Variants in DPY19L1 observed in about 807,000 individuals in gnomAD.
DPY19L1 encodes the protein protein C-mannosyl-transferase DPY19L1.
Under a neutral mutation model 96.9 loss-of-function variants are expected in DPY19L1, and 35 were observed. That is an observed-to-expected ratio of 0.36 (90% CI 0.28 to 0.48). The LOEUF (loss-of-function observed/expected upper bound fraction) is 0.48, where lower values mean the gene tolerates loss of function less well. Among genes scored for constraint, DPY19L1 ranks in the 20% least tolerant of loss-of-function variants. The pLI is 0.99. For missense variants in DPY19L1, 521 were observed against 777.9 expected, an observed-to-expected ratio of 0.67 and a Z score of 3.93; for synonymous variants, 205 against 252.6, an observed-to-expected ratio of 0.81 and a Z score of 1.79.
intron 1 of DPY19L1, among the ~76,000 whole-genome samples, chr7:35,032,683 ACGAAAT>A (rs1160912176): frequency 1.3e-5 from 2 of 152,134 alleles, no homozygotes; most frequent in Non-Finnish European, 2.9e-5. Context: ...CATGTCCAAG[ACGAAAT>A]TCTTGACCTT....
chr7:34,966,338 C>T (rs879730429), intron 10 of DPY19L1, among the ~76,000 whole-genome samples: 30 of 152,106 alleles, frequency 2.0e-4, no homozygotes, highest in South Asian at 4.2e-4. Flanking sequence ...TGCTATGTTG[C>T]CCAGGCTGGA....
intron 6 of DPY19L1, among the ~76,000 whole-genome samples, chr7:35,005,636 TAAAAAAAAAAAAA>T (rs755623073): frequency 4.7e-5 from 4 of 84,484 alleles, no homozygotes; most frequent in Non-Finnish European, 9.1e-5. Context: ...CTGTCTCTAC[TAAAAAAAAAAAAA>T]AAAAAAAAAA....
chr7:35,032,788 A>T (rs1177479745), intron 1 of DPY19L1, among the ~76,000 whole-genome samples: 1 of 152,070 alleles, frequency 6.6e-6, no homozygotes, highest in Non-Finnish European at 1.5e-5. Context: ...AGAAGCCAAA[A>T]ATGTACAAAG....
chr7:34,937,246 A>C (rs1783887921), intron 21 of DPY19L1, among the ~76,000 whole-genome samples: 1 of 152,250 alleles, frequency 6.6e-6, no homozygotes, highest in Non-Finnish European at 1.5e-5. Context: ...GTCACAGTAG[A>C]GTCATTTTCC....
intron 14 of DPY19L1, 85 bp downstream of exon 14, chr7:34,949,712 A>C: frequency 1.2e-6 from 1 of 823,994 alleles, no homozygotes; most frequent in Non-Finnish European, 2.0e-6. Context: ...AACAGCACAT[A>C]AAGAGTCTGA....
chr7:34,944,696 T>C (rs1387433129), intron 16 of DPY19L1, among the ~76,000 whole-genome samples: 3 of 152,202 alleles, frequency 2.0e-5, no homozygotes, highest in Non-Finnish European at 4.4e-5. Context: ...ATAGTAGATA[T>C]TTTGGATGTT....
Position 34,977,679 on chromosome 7 carries a change from C to T in DPY19L1, c.823-4074G>A, listed in dbSNP as rs1286659013. Among the ~76,000 whole-genome samples the T allele has an allele frequency of 8.5e-5, 13 of 152,142 alleles. No individual in the cohort carries two copies. The South Asian group carries it at 1.2e-3, about 15-fold the overall frequency. Reference sequence around the variant, plus strand: ...AGAGATTTGGTTTAGTCATGCCTTACGTTTCAACAAAATAAATATTTTTTC... The same window carrying T: ...AGAGATTTGGTTTAGTCATGCCTTATGTTTCAACAAAATAAATATTTTTTC... On this transcript the variant is annotated intron_variant, in intron 7 of 21. Coordinates refer to ENST00000638088, the MANE Select transcript of DPY19L1 (RefSeq NM_001366673.1).
intron 9 of DPY19L1, among the ~76,000 whole-genome samples, chr7:34,968,364 G>A (rs1191462010): frequency 1.3e-5 from 2 of 152,068 alleles, no homozygotes; most frequent in Non-Finnish European, 2.9e-5. Context: ...TCAGAAATGA[G>A]AAAACCTAAA....
intron 7 of DPY19L1, among the ~76,000 whole-genome samples, chr7:34,977,885 T>C (rs1284410711): frequency 1.3e-5 from 2 of 152,146 alleles, no homozygotes; most frequent in African/African-American, 4.8e-5. Flanking sequence ...GAAAATAAAT[T>C]CAATAAAAAT....
intron 1 of DPY19L1, among the ~76,000 whole-genome samples, chr7:35,029,892 A>T (rs1401881820): frequency 6.6e-6 from 1 of 152,240 alleles, no homozygotes; most frequent in South Asian, 2.1e-4. Flanking sequence ...ATTAACAAAG[A>T]CAAGAGAACT....
chr7:35,022,054 G>A (rs1786007176), intron 1 of DPY19L1, among the ~76,000 whole-genome samples: 1 of 151,988 alleles, frequency 6.6e-6, no homozygotes, highest in African/African-American at 2.4e-5. Context: ...AAAAACTTCT[G>A]AAGGCACCCC....
At chr7:34,932,394 C>A (rs1255864063) in intron 21 of DPY19L1, among the ~76,000 whole-genome samples, 1 of 152,148 alleles carries the variant, frequency 6.6e-6, no homozygotes, top group Non-Finnish European at 1.5e-5. Flanking sequence ...TCATCAAATA[C>A]AAATGCTATT....
intron 3 of DPY19L1, among the ~76,000 whole-genome samples, chr7:35,017,419 C>T (rs1298243603): frequency 8.2e-5 from 12 of 145,804 alleles, no homozygotes; most frequent in Admixed American, 2.8e-4. Flanking sequence ...GGCGTGAACC[C>T]GGGAAGCGGA....
chr7:34,999,137 T>C (rs1368023046), intron 6 of DPY19L1, among the ~76,000 whole-genome samples: 1 of 152,078 alleles, frequency 6.6e-6, no homozygotes, highest in African/African-American at 2.4e-5. Flanking sequence ...AAGTATGCGA[T>C]GAGAAGGATG....
chr7:34,995,768 T>A (rs1785268602), intron 6 of DPY19L1, among the ~76,000 whole-genome samples: 1 of 151,986 alleles, frequency 6.6e-6, no homozygotes, highest in Non-Finnish European at 1.5e-5. Context: ...AAAGAGAAAA[T>A]GGAGAAAAAT....
Position 34,940,198 on chromosome 7 carries a change from G to T in DPY19L1, c.1819C>A (p.Pro607Thr). 2 of 1,603,332 alleles carry T rather than the reference G, an allele frequency of 1.2e-6. No homozygotes were observed. Among genetic ancestry groups the T allele is most frequent in the Non-Finnish European group, 1.7e-6 (2 of 1,175,672 alleles). Residue 607 changes from proline to threonine, a missense_variant, in exon 19 of 22, where the codon CCC (proline) becomes ACC (threonine). Transcript: ENST00000638088. ...ATCCATTCTATAAGTTCTTCTTGGGGCAAATTGCTGAACTCCCCTACAATA... is the reference window on the plus strand; with the variant it reads ...ATCCATTCTATAAGTTCTTCTTGGGTCAAATTGCTGAACTCCCCTACAATA... ...WNIVGEFSNLPQEELIEWIKY... is the reference protein window; with the variant it reads ...WNIVGEFSNLTQEELIEWIKY...
intron 7 of DPY19L1, among the ~76,000 whole-genome samples, chr7:34,979,551 T>C (rs1303563829): frequency 1.3e-5 from 2 of 152,130 alleles, no homozygotes. Context: ...TACTGAACCA[T>C]ACTTGGTAGG....
intron 13 of DPY19L1, among the ~76,000 whole-genome samples, chr7:34,953,527 C>A: frequency 6.6e-6 from 1 of 152,128 alleles, no homozygotes. Context: ...AGGATCCTTC[C>A]CTGATGCTCC....
intron 1 of DPY19L1, among the ~76,000 whole-genome samples, chr7:35,032,206 C>A (rs143773439): frequency 3.1e-4 from 47 of 152,256 alleles, no homozygotes; most frequent in African/African-American, 1.1e-3. Flanking sequence ...GGTTTCATTT[C>A]TTTTGCTGTA....
Sources: gnomAD v4.1 joint callset for allele counts (sites outside exome capture counted in the v4.1 genomes callset) on GRCh38, gnomAD v4.1.1 for gene constraint, MANE v1.5 for transcripts, NCBI Gene and HGNC (gene_info 2026-07-23, HGNC 2026-07-21) for gene names.